RGS20: variants seen among roughly 807,000 people sequenced by gnomAD.
RGS20 encodes regulator of G protein signaling 20, also known as gz-selective GTPase-activating protein.
Under a neutral mutation model 33.6 loss-of-function variants are expected in RGS20, and 30 were observed. That is an observed-to-expected ratio of 0.89 (90% CI 0.67 to 1.21). The LOEUF is 1.21. RGS20 is among the 50% of genes most tolerant of loss of function. The pLI is 0.00. For missense variants in RGS20, 472 were observed against 502.4 expected, an observed-to-expected ratio of 0.94 and a Z score of 0.58; for synonymous variants, 208 against 197.9, an observed-to-expected ratio of 1.05 and a Z score of -0.43.
chr8:53,880,739 T>C, intron 2 of RGS20, 133 bp from the exon 1 acceptor site: 2 of 579,528 alleles, frequency 3.5e-6, no homozygotes, highest in Non-Finnish European at 5.1e-6. Context: ...GCGGCCGGGG[T>C]GGAGGTCGCG....
chr8:53,905,531 G>A (rs1352198577), intron 2 of RGS20, among the ~76,000 whole-genome samples: 1 of 152,200 alleles, frequency 6.6e-6, no homozygotes, highest in African/African-American at 2.4e-5. Context: ...CTCAAACTTA[G>A]AATCGCCTCA....
At chr8:53,908,806 G>GATAA (rs1471252388) in intron 2 of RGS20, among the ~76,000 whole-genome samples, 2 of 151,704 alleles carry the variant, frequency 1.3e-5, no homozygotes, top group African/African-American at 2.4e-5. Flanking sequence ...CCTGTCTCAA[G>GATAA]ATAAATAAAT....
chr8:53,885,118 G>A (rs1415643504), intron 2 of RGS20, among the ~76,000 whole-genome samples: 2 of 152,146 alleles, frequency 1.3e-5, no homozygotes, highest in Non-Finnish European at 2.9e-5. Flanking sequence ...TAGATTTTAT[G>A]GACTAGCGAG....
At chr8:53,893,968 T>C (rs530943916) in intron 2 of RGS20, among the ~76,000 whole-genome samples, 3 of 152,054 alleles carry the variant, frequency 2.0e-5, no homozygotes, top group East Asian at 3.9e-4. Context: ...TAGTGATCTG[T>C]GTTCAAAATC....
At chr8:53,929,533 T>G (rs1403899385) in intron 2 of RGS20, among the ~76,000 whole-genome samples, 1 of 152,124 alleles carries the variant, frequency 6.6e-6, no homozygotes, top group Non-Finnish European at 1.5e-5. Flanking sequence ...CTGGACATGG[T>G]GGCGGACGCC....
chr8:53,864,199 G>A (rs189868839), intron 1 of RGS20, among the ~76,000 whole-genome samples: 145 of 152,024 alleles, frequency 9.5e-4, no homozygotes, highest in African/African-American at 3.4e-3. Flanking sequence ...GCCAAGGCAG[G>A]TGGATCACTT....
chr8:53,894,147 T>G (rs536538056), intron 2 of RGS20, among the ~76,000 whole-genome samples: 11 of 152,358 alleles, frequency 7.2e-5, no homozygotes, highest in South Asian at 2.1e-4. Context: ...TGGAGGTTTT[T>G]GTCCTGGGTC....
At chr8:53,898,451 T>C (rs934262261) in intron 2 of RGS20, among the ~76,000 whole-genome samples, 1 of 152,210 alleles carries the variant, frequency 6.6e-6, no homozygotes, top group South Asian at 2.1e-4. Flanking sequence ...TCCATTGCCT[T>C]CACCATTACT....
chr8:53,956,841 T>G (rs1325810710), intron 5 of RGS20, among the ~76,000 whole-genome samples: 1 of 152,148 alleles, frequency 6.6e-6, no homozygotes, highest in Admixed American at 6.5e-5. Flanking sequence ...CATCAATCTT[T>G]TAAAGTATTA....
At chr8:53,876,805 C>T (rs1812219107) in intron 1 of RGS20, among the ~76,000 whole-genome samples, 1 of 152,232 alleles carries the variant, frequency 6.6e-6, no homozygotes, top group African/African-American at 2.4e-5. Context: ...CAAGCGGTGA[C>T]TGTCTCCAGA....
intron 4 of RGS20, among the ~76,000 whole-genome samples, chr8:53,949,024 A>C (rs1814624920): frequency 4.5e-5 from 4 of 89,412 alleles, no homozygotes. Context: ...TATATAAGAT[A>C]CAGTATATAT....
chr8:53,883,407 G>A (rs952364466), intron 2 of RGS20, among the ~76,000 whole-genome samples: 2 of 151,840 alleles, frequency 1.3e-5, no homozygotes, highest in East Asian at 1.9e-4. Context: ...CAGGTGATCC[G>A]CCTGCCTCCG....
At chr8:53,938,873 A>G (rs956923713) in intron 2 of RGS20, among the ~76,000 whole-genome samples, 1 of 152,168 alleles carries the variant, frequency 6.6e-6, no homozygotes, top group Admixed American at 6.5e-5. Flanking sequence ...CTTGGCCTCC[A>G]TTGAAGTAGG....
chr8:53,852,935 A>G (rs1048334046), intron 1 of RGS20, among the ~76,000 whole-genome samples: 6 of 148,974 alleles, frequency 4.0e-5, no homozygotes, highest in Non-Finnish European at 7.5e-5. Flanking sequence ...AGTGGAGGGG[A>G]AAAAAAAAAT....
At chr8:53,900,441 C>T (rs967691211) in intron 2 of RGS20, among the ~76,000 whole-genome samples, 1 of 152,132 alleles carries the variant, frequency 6.6e-6, no homozygotes, top group African/African-American at 2.4e-5. Context: ...TGTACCCAGC[C>T]TTGTTTACAA....
At chr8:53,920,587 A>G (rs1813614014) in intron 2 of RGS20, among the ~76,000 whole-genome samples, 2 of 152,098 alleles carry the variant, frequency 1.3e-5, no homozygotes, top group Admixed American at 1.3e-4. Flanking sequence ...AAGTGGTAAA[A>G]GTAGATTTTT....
chr8:53,957,568 G>T (rs552100973), intron 5 of RGS20, among the ~76,000 whole-genome samples: 76 of 152,348 alleles, frequency 5.0e-4, no homozygotes, highest in African/African-American at 1.6e-3. Context: ...GCCTCCAGGT[G>T]TCAGCCCCCA....
At position 53,879,541 on chromosome 8, in the gene RGS20, C is replaced by A; in HGVS notation, c.449C>A (p.Pro150His). The change falls in exon 2 of 6, where the codon CCC (proline) becomes CAC (histidine). Residue 150 changes from proline (P) to histidine (H), a missense_variant. This residue lies in a region of RGS20 where 319 missense variants were observed against 283.4 expected (regional missense o/e 1.13). Coordinates refer to ENST00000297313, the MANE Select transcript of RGS20 (RefSeq NM_170587.4). ...TCGGGGGGTCGTCCGCTGAGGCCCCCCCATCCGGTAGCCAAGCCCAGGGAA... is the reference window on the plus strand; with the variant it reads ...TCGGGGGGTCGTCCGCTGAGGCCCCACCATCCGGTAGCCAAGCCCAGGGAA... 1.3e-6 allele frequency: 2 copies of A among 1,542,872 alleles called. No homozygotes were observed. The highest frequency in any genetic ancestry group is 8.7e-7 in the Non-Finnish European group (1 of 1,144,880).
intron 1 of RGS20, among the ~76,000 whole-genome samples, chr8:53,855,970 G>C (rs1341853915): frequency 1.3e-5 from 2 of 152,130 alleles, no homozygotes; most frequent in Non-Finnish European, 2.9e-5. Context: ...GCTGAGAGGT[G>C]ATTTGAATCT....
Sources: allele counts gnomAD v4.1 joint callset (sites outside exome capture counted in the v4.1 genomes callset), GRCh38; gene constraint gnomAD v4.1.1; regional missense constraint gnomAD v4.1.1; transcripts MANE v1.5; gene names NCBI Gene and HGNC (gene_info 2026-07-23, HGNC 2026-07-21).